Variants in GPR89B observed in about 807,000 individuals in gnomAD.
GPR89B encodes the protein G protein-coupled receptor 89B.
Under a neutral mutation model 52.4 loss-of-function variants are expected in GPR89B, and 25 were observed. The ratio of observed to expected loss-of-function variants is 0.48; its 90% CI spans 0.35 to 0.67. The LOEUF is 0.67. GPR89B is among the 30% of genes least tolerant of loss of function. The probability of loss-of-function intolerance (pLI) is 0.01; values close to 1 mark genes in which losing one functional copy is unlikely to be tolerated. For synonymous variants in GPR89B, 52 were observed against 151.2 expected (o/e 0.34, Z 4.81); for missense variants, 146 against 450.2 (o/e 0.32, Z 6.11).
chr1:147,962,253 GTC>G (rs1656634965), intron 7 of GPR89B, among the ~76,000 whole-genome samples: 3 of 150,592 alleles, frequency 2.0e-5, no homozygotes, highest in Non-Finnish European at 1.5e-5. Context: ...GCGAAACCCC[GTC>G]TCTACTAAAA....
intron 10 of GPR89B, among the ~76,000 whole-genome samples, chr1:147,974,170 A>T: frequency 6.9e-6 from 1 of 144,962 alleles, no homozygotes. Context: ...TTGCTTCCAT[A>T]TTGAATTTTA....
At chr1:147,931,590 T>C (rs1192860944) in intron 1 of GPR89B, among the ~76,000 whole-genome samples, 5 of 152,154 alleles carry the variant, frequency 3.3e-5, no homozygotes, top group African/African-American at 9.7e-5. Flanking sequence ...TAAGTCTTTT[T>C]TTTTTTTCAA....
chr1:147,951,653 G>A (rs1365453783), intron 5 of GPR89B, among the ~76,000 whole-genome samples: 3 of 152,002 alleles, frequency 2.0e-5, no homozygotes, highest in Non-Finnish European at 4.4e-5. Context: ...TCTGAAAGAG[G>A]TGGAAGGGAT....
chr1:147,944,859 A>C (rs1654828995), intron 5 of GPR89B, among the ~76,000 whole-genome samples: 2 of 151,200 alleles, frequency 1.3e-5, no homozygotes, highest in African/African-American at 2.4e-5. Context: ...ATCTGTAATA[A>C]ATATACTACA....
chr1:147,950,787 G>A (rs199696256), intron 5 of GPR89B, among the ~76,000 whole-genome samples: 14 of 151,880 alleles, frequency 9.2e-5, no homozygotes, highest in South Asian at 4.2e-4. Flanking sequence ...ACGAAAACCA[G>A]TCAGGCGTGG....
At chr1:148,009,496 T>C in the GPR89B span, 1 of 1,597,514 alleles carries the variant, frequency 6.3e-7, no homozygotes, top group Non-Finnish European at 8.6e-7. Context: ...CCCAACTCTT[T>C]CAAGTCCACC....
intron 7 of GPR89B, among the ~76,000 whole-genome samples, chr1:147,962,279 C>T (rs2149069091): frequency 6.6e-6 from 1 of 151,566 alleles, no homozygotes; most frequent in South Asian, 2.1e-4. Context: ...CAAAAATTAG[C>T]TGGACATGGT....
At chr1:147,952,516 G>T (rs1366387902) in intron 5 of GPR89B, among the ~76,000 whole-genome samples, 7 of 152,080 alleles carry the variant, frequency 4.6e-5, no homozygotes, top group Non-Finnish European at 1.0e-4. Flanking sequence ...GGAATTTTCA[G>T]TTTTGAAGCT....
intron 12 of GPR89B, among the ~76,000 whole-genome samples, chr1:147,988,849 A>G (rs1658855847): frequency 4.0e-5 from 6 of 148,786 alleles, no homozygotes. Context: ...GTGAAAGAGC[A>G]ACACTCCATC....
chr1:147,969,362 G>A (rs1481990789), intron 9 of GPR89B: 2 of 222,856 alleles, frequency 9.0e-6, no homozygotes, highest in Non-Finnish European at 1.8e-5. Flanking sequence ...AGATCAATAA[G>A]TGTCGAAACT....
chr1:147,989,575 T>TC (rs1183191509), intron 12 of GPR89B, among the ~76,000 whole-genome samples: 2 of 151,818 alleles, frequency 1.3e-5, no homozygotes, highest in Non-Finnish European at 2.9e-5. Context: ...ATGCTGTCCC[T>TC]CCCCCCTTCC....
chr1:148,012,018 A>G, the GPR89B span: 1 of 152,136 alleles, frequency 6.6e-6, no homozygotes, highest in South Asian at 2.1e-4. Flanking sequence ...TTAAAACAGA[A>G]GATCAGCAAC....
downstream of GPR89B, among the ~76,000 whole-genome samples, chr1:147,995,293 A>G (rs1425109283): frequency 4.0e-5 from 6 of 150,688 alleles, no homozygotes; most frequent in Middle Eastern, 3.4e-3. Flanking sequence ...ACCAGAATTC[A>G]TATCTAGATC....
At chr1:147,940,449 G>A (rs1553248754) in intron 3 of GPR89B, among the ~76,000 whole-genome samples, 2 of 151,638 alleles carry the variant, frequency 1.3e-5, no homozygotes, top group Non-Finnish European at 2.9e-5. Flanking sequence ...TCTTGGATGA[G>A]CTAGATATAG....
At position 147,969,637 on chromosome 1, in the gene GPR89B, G is replaced by C. The variant is rs1222752024; in HGVS notation, c.817-230G>C. Reference sequence around the variant, plus strand: ...AGATAATAGAACGTATCTCATAAGAGTTGTTATGAAGATTAAGTGGATAAT... The same window carrying C: ...AGATAATAGAACGTATCTCATAAGACTTGTTATGAAGATTAAGTGGATAAT... On this transcript the variant is annotated intron_variant, in intron 9 of 13. Transcript: ENST00000314163. 3 of 544,724 alleles carry C rather than the reference G, an allele frequency of 5.5e-6. No individual in the cohort carries two copies. The African/African-American group carries it at 6.0e-5, about 11-fold the overall frequency. The allele number at this position is 544,724 out of a possible 1,614,324, so 33.7% of individuals were successfully genotyped here.
At chr1:147,956,760 C>T (rs1449003083) in intron 7 of GPR89B, among the ~76,000 whole-genome samples, 9 of 149,302 alleles carry the variant, frequency 6.0e-5, no homozygotes, top group Admixed American at 4.0e-4. Flanking sequence ...TTTTTTAAGA[C>T]GGAGTCTCAC....
intron 1 of GPR89B, 119 bp downstream of exon 1, chr1:147,928,697 A>C: frequency 7.0e-7 from 1 of 1,419,076 alleles, no homozygotes; most frequent in Admixed American, 1.7e-5. Context: ...GGCCTGCGCC[A>C]GTCACTCTGG....
At chr1:147,978,036 T>A (rs1322443875) in intron 10 of GPR89B, among the ~76,000 whole-genome samples, 2 of 151,186 alleles carry the variant, frequency 1.3e-5, no homozygotes, top group African/African-American at 4.9e-5. Context: ...GTGCCCTTGC[T>A]GGAGAGGTGT....
the GPR89B span, among the ~76,000 whole-genome samples, chr1:148,019,236 A>G: frequency 6.6e-6 from 1 of 151,482 alleles, no homozygotes; most frequent in South Asian, 2.1e-4. Flanking sequence ...CGACCTCCCA[A>G]AGTGCTGAGA....
Sources: gnomAD v4.1 joint callset for allele counts (sites outside exome capture counted in the v4.1 genomes callset) on GRCh38, gnomAD v4.1.1 for gene constraint, MANE v1.5 for transcripts, NCBI Gene and HGNC (gene_info 2026-07-23, HGNC 2026-07-21) for gene names.